Variants in MAGI1 observed in about 807,000 individuals in gnomAD.
The protein encoded by MAGI1 is membrane associated guanylate kinase, WW and PDZ domain containing 1.
MAGI1 carries 58 observed loss-of-function variants against 139.9 expected under a neutral mutation model. The ratio of observed to expected loss-of-function variants is 0.41; its 90% confidence interval spans 0.34 to 0.52. The LOEUF is 0.52. Among genes scored for constraint, MAGI1 ranks in the 20% least tolerant of loss-of-function variants. The pLI is 0.12. For synonymous variants in MAGI1, 812 were observed against 737.9 expected (o/e 1.10, Z -1.63); for missense variants, 1,874 against 1,901.6 (o/e 0.99, Z 0.27).
chr3:65,424,081 G>A (rs1417096255), intron 12 of MAGI1, among the ~76,000 whole-genome samples: 3 of 152,156 alleles, frequency 2.0e-5, no homozygotes, highest in Admixed American at 1.3e-4. Context: ...ATGAAGTCTT[G>A]AAAGGTTTTA....
intron 2 of MAGI1, among the ~76,000 whole-genome samples, chr3:65,540,061 T>C (rs1287301408): frequency 1.3e-5 from 2 of 152,220 alleles, no homozygotes; most frequent in Non-Finnish European, 2.9e-5. Flanking sequence ...TCAATGGGAA[T>C]ATTAAACAAC....
At chr3:65,791,366 C>A (rs897538255) in intron 1 of MAGI1, among the ~76,000 whole-genome samples, 2 of 152,170 alleles carry the variant, frequency 1.3e-5, no homozygotes, top group African/African-American at 2.4e-5. Flanking sequence ...ATTCAATCAA[C>A]CTTGGTTAAG....
At chr3:65,751,473 G>A (rs958400092) in intron 1 of MAGI1, among the ~76,000 whole-genome samples, 2 of 152,084 alleles carry the variant, frequency 1.3e-5, no homozygotes, top group African/African-American at 4.8e-5. Context: ...ATTGACCTTC[G>A]GAGAAAAGGG....
At chr3:65,536,936 C>T (rs1468367141) in intron 2 of MAGI1, among the ~76,000 whole-genome samples, 1 of 152,146 alleles carries the variant, frequency 6.6e-6, no homozygotes, top group East Asian at 1.9e-4. Context: ...CAGCCATGCC[C>T]GTAGGTAGTT....
At chr3:65,517,497 A>G (rs543795145) in intron 2 of MAGI1, among the ~76,000 whole-genome samples, 4 of 152,240 alleles carry the variant, frequency 2.6e-5, no homozygotes, top group Admixed American at 6.5e-5. Flanking sequence ...TTAGGAGTCT[A>G]CAAACTGTAT....
intron 1 of MAGI1, among the ~76,000 whole-genome samples, chr3:65,668,212 G>C (rs1024440248): frequency 2.4e-4 from 36 of 152,292 alleles, no homozygotes; most frequent in Middle Eastern, 3.4e-3. Context: ...CAGAAGGGTT[G>C]ACGTGAGGTT....
intron 1 of MAGI1, among the ~76,000 whole-genome samples, chr3:66,029,355 CA>C (rs1202037379): frequency 6.6e-6 from 1 of 152,154 alleles, no homozygotes; most frequent in Non-Finnish European, 1.5e-5. Flanking sequence ...AGTCTTGTCT[CA>C]TAAAGGAGTA....
intron 1 of MAGI1, among the ~76,000 whole-genome samples, chr3:65,988,519 G>A (rs2066000494): frequency 6.6e-6 from 1 of 152,050 alleles, no homozygotes; most frequent in South Asian, 2.1e-4. Context: ...TACAAATGAG[G>A]GCAAAACCAG....
chr3:65,812,505 T>C (rs1169089869), intron 1 of MAGI1, among the ~76,000 whole-genome samples: 1 of 140,306 alleles, frequency 7.1e-6, no homozygotes, highest in Non-Finnish European at 1.6e-5. Flanking sequence ...TCTATCATTT[T>C]CTTTTATTTC....
At chr3:65,404,451 T>C (rs1945171231) in intron 12 of MAGI1, among the ~76,000 whole-genome samples, 1 of 152,170 alleles carries the variant, frequency 6.6e-6, no homozygotes. Context: ...CTTTGCCGGC[T>C]AGTTGCTGAA....
chr3:65,733,225 AT>A (rs1466693834), intron 1 of MAGI1, among the ~76,000 whole-genome samples: 1 of 151,852 alleles, frequency 6.6e-6, no homozygotes, highest in African/African-American at 2.4e-5. Flanking sequence ...CGCCCCGCTA[AT>A]TTTTTGTATT....
At chr3:65,747,834 TC>T in intron 1 of MAGI1, among the ~76,000 whole-genome samples, 1 of 151,198 alleles carries the variant, frequency 6.6e-6, no homozygotes, top group Non-Finnish European at 1.5e-5. Context: ...AAAAAAAGAG[TC>T]TAAAAGAATG....
chr3:65,992,192 T>C (rs561106016), intron 1 of MAGI1, among the ~76,000 whole-genome samples: 36 of 152,044 alleles, frequency 2.4e-4, no homozygotes, highest in African/African-American at 8.4e-4. Context: ...GATGAAAAAA[T>C]GCACAGAAGG....
intron 2 of MAGI1, among the ~76,000 whole-genome samples, chr3:65,601,474 A>T (rs552711855): frequency 6.6e-6 from 1 of 152,330 alleles, no homozygotes; most frequent in East Asian, 1.9e-4. Context: ...AGAGAGACAG[A>T]AATTAATTAT....
intron 2 of MAGI1, among the ~76,000 whole-genome samples, chr3:65,506,894 G>C (rs1192704917): frequency 6.6e-6 from 1 of 152,152 alleles, no homozygotes; most frequent in Non-Finnish European, 1.5e-5. Context: ...GAAAAAAGGA[G>C]TTTATGCCCA....
intron 1 of MAGI1, among the ~76,000 whole-genome samples, chr3:65,828,256 AG>A (rs2042335590): frequency 6.6e-6 from 1 of 152,234 alleles, no homozygotes; most frequent in African/African-American, 2.4e-5. Flanking sequence ...GAGGACCATC[AG>A]GTTCTGTCCA....
intron 1 of MAGI1, among the ~76,000 whole-genome samples, chr3:65,718,028 T>C (rs2032488273): frequency 6.6e-6 from 1 of 152,210 alleles, no homozygotes; most frequent in Non-Finnish European, 1.5e-5. Flanking sequence ...AAGGTTTTTA[T>C]GAACATTCTA....
At chr3:65,725,662 C>T (rs184880320) in intron 1 of MAGI1, among the ~76,000 whole-genome samples, 5 of 152,296 alleles carry the variant, frequency 3.3e-5, no homozygotes, top group Admixed American at 3.3e-4. Flanking sequence ...TGTCACCAAG[C>T]TAACAATGCT....
chr3:65,421,306 T>C (rs1020354949), intron 12 of MAGI1, among the ~76,000 whole-genome samples: 5 of 152,194 alleles, frequency 3.3e-5, no homozygotes, highest in African/African-American at 4.8e-5. Context: ...CTGTTTAGCA[T>C]GGTGGAAGTG....
Sources: gnomAD v4.1 joint callset for allele counts (sites outside exome capture counted in the v4.1 genomes callset) on GRCh38, gnomAD v4.1.1 for gene constraint, MANE v1.5 for transcripts, NCBI Gene and HGNC (gene_info 2026-07-23, HGNC 2026-07-21) for gene names.